Variants in MEI4 observed in about 807,000 individuals in gnomAD.
MEI4 encodes the protein meiosis-specific protein MEI4.
A neutral mutation model predicts 31.4 loss-of-function variants in MEI4; 27 were observed. That is an observed-to-expected ratio of 0.86 (90% CI 0.63 to 1.19). The LOEUF (loss-of-function observed/expected upper bound fraction) is 1.19, where lower values mean the gene tolerates loss of function less well. Ranked by LOEUF, MEI4 falls within the 50% of genes most tolerant of loss-of-function variation. MEI4 has a pLI of 0.00. For missense variants in MEI4, 329 were observed against 398.9 expected (o/e 0.82, Z 1.49); for synonymous variants, 122 against 145.4 (o/e 0.84, Z 1.16).
chr6:77,747,721 A>G (rs948841020), intron 2 of MEI4, among the ~76,000 whole-genome samples: 11 of 152,100 alleles, frequency 7.2e-5, no homozygotes, highest in Non-Finnish European at 1.5e-4. Flanking sequence ...TTAAAACACA[A>G]TCATCCCTTT....
intron 4 of MEI4, among the ~76,000 whole-genome samples, chr6:77,914,628 GT>G (rs1766502436): frequency 6.6e-6 from 1 of 151,988 alleles, no homozygotes; most frequent in African/African-American, 2.4e-5. Context: ...ATGTTTCTTT[GT>G]TGATTTTCTG....
intron 3 of MEI4, among the ~76,000 whole-genome samples, chr6:77,819,011 G>A (rs1371513166): frequency 1.3e-5 from 2 of 152,098 alleles, no homozygotes; most frequent in Non-Finnish European, 2.9e-5. Context: ...GATTATAGGT[G>A]TAGGCCACCA....
intron 2 of MEI4, among the ~76,000 whole-genome samples, chr6:77,702,511 C>G (rs73762816): frequency 0.023 from 3,454 of 152,214 alleles, 135 homozygotes; most frequent in African/African-American, 0.078. Flanking sequence ...TTCTGAGAGG[C>G]TCTATAATAA....
chr6:77,907,293 G>T (rs9448245), intron 4 of MEI4, among the ~76,000 whole-genome samples: 3 of 151,712 alleles, frequency 2.0e-5, no homozygotes, highest in Admixed American at 6.6e-5. Context: ...CCCCCTCCCC[G>T]CACTCCACAA....
intron 3 of MEI4, among the ~76,000 whole-genome samples, chr6:77,804,638 A>G (rs1769380901): frequency 6.6e-6 from 1 of 152,120 alleles, no homozygotes; most frequent in Admixed American, 6.5e-5. Flanking sequence ...CTTTATTAGT[A>G]GTTCACATCC....
At chr6:77,813,988 G>C (rs1769632638) in intron 3 of MEI4, among the ~76,000 whole-genome samples, 1 of 151,998 alleles carries the variant, frequency 6.6e-6, no homozygotes, top group Non-Finnish European at 1.5e-5. Context: ...TTTTAAACAT[G>C]GGAAGATTTT....
chr6:77,863,094 C>T (rs1471487459), intron 4 of MEI4, among the ~76,000 whole-genome samples: 3 of 104,144 alleles, frequency 2.9e-5, no homozygotes, highest in Non-Finnish European at 5.4e-5. Flanking sequence ...TCATCAAACA[C>T]CACAGGTAGA....
Position 77,911,694 on chromosome 6 carries a change from A to G in MEI4, c.901-11395A>G, listed in dbSNP as rs190881010. On this transcript the variant is annotated intron_variant, in intron 4 of 4. Transcript: ENST00000684080. ...GTATTCCATGATATATATAATGCAT[A>G]TATTATGTATATAATACATATATTT... 5.4e-3 allele frequency among the ~76,000 whole-genome samples: 805 copies of G among 148,658 alleles called. 5 individuals are homozygous for G. Among genetic ancestry groups the G allele is most frequent in the Non-Finnish European group, 8.9e-3 (596 of 67,340 alleles).
At chr6:77,673,250 A>G (rs202134281) in intron 1 of MEI4, among the ~76,000 whole-genome samples, 1 of 152,206 alleles carries the variant, frequency 6.6e-6, no homozygotes, top group Admixed American at 6.5e-5. Flanking sequence ...GTATGGCTGT[A>G]ATAGTAGTAG....
chr6:77,690,635 A>C, intron 1 of MEI4, 23 bp from the exon 2 acceptor site: 6 of 1,122,024 alleles, frequency 5.3e-6, no homozygotes, highest in Non-Finnish European at 6.8e-6. Context: ...AATTTCTATA[A>C]CTTTTTTCTT....
chr6:77,849,467 T>G (rs941106244), intron 4 of MEI4, among the ~76,000 whole-genome samples: 1 of 152,204 alleles, frequency 6.6e-6, no homozygotes, highest in Middle Eastern at 3.2e-3. Context: ...TTCTGTTCGC[T>G]CTGAGCAAAA....
intron 4 of MEI4, among the ~76,000 whole-genome samples, chr6:77,909,507 G>T: frequency 6.6e-6 from 1 of 152,214 alleles, no homozygotes; most frequent in Non-Finnish European, 1.5e-5. Flanking sequence ...GACTAAACCA[G>T]GAAGAAGTTG....
intron 2 of MEI4, among the ~76,000 whole-genome samples, chr6:77,699,595 T>C (rs574771545): frequency 1.5e-3 from 230 of 152,334 alleles, no homozygotes; most frequent in African/African-American, 5.0e-3. Flanking sequence ...AGTCATTCTC[T>C]GTCCAGCTTT....
At chr6:77,695,280 T>C (rs1413871916) in intron 2 of MEI4, among the ~76,000 whole-genome samples, 1 of 152,104 alleles carries the variant, frequency 6.6e-6, no homozygotes, top group African/African-American at 2.4e-5. Context: ...AGATCCCATT[T>C]GTCAATTTTG....
At chr6:77,744,556 T>A (rs918945822) in intron 2 of MEI4, among the ~76,000 whole-genome samples, 1 of 152,012 alleles carries the variant, frequency 6.6e-6, no homozygotes, top group African/African-American at 2.4e-5. Context: ...CAGGATATTA[T>A]CCAGGAGAAC....
intron 4 of MEI4, among the ~76,000 whole-genome samples, chr6:77,892,970 C>T (rs1766000506): frequency 6.6e-6 from 1 of 152,042 alleles, no homozygotes; most frequent in South Asian, 2.1e-4. Context: ...GGAACTCTCC[C>T]ACAGCTGGGA....
chr6:77,788,138 C>T (rs1008040313), intron 3 of MEI4, among the ~76,000 whole-genome samples: 1 of 152,118 alleles, frequency 6.6e-6, no homozygotes, highest in African/African-American at 2.4e-5. Context: ...ATAAACAGAA[C>T]CAATGACAAA....
chr6:77,850,272 T>C (rs1183433211), intron 4 of MEI4, among the ~76,000 whole-genome samples: 1 of 152,124 alleles, frequency 6.6e-6, no homozygotes, highest in African/African-American at 2.4e-5. Context: ...CTTCACAGAA[T>C]TGGAAAAACT....
intron 2 of MEI4, among the ~76,000 whole-genome samples, chr6:77,754,355 T>A (rs1019865938): frequency 3.3e-5 from 5 of 152,192 alleles, no homozygotes; most frequent in African/African-American, 1.2e-4. Flanking sequence ...TGCTAAAGCA[T>A]AGCAAGAGTT....
Sources: gnomAD v4.1 joint callset for allele counts (sites outside exome capture counted in the v4.1 genomes callset) on GRCh38, gnomAD v4.1.1 for gene constraint, MANE v1.5 for transcripts, NCBI Gene and HGNC (gene_info 2026-07-23, HGNC 2026-07-21) for gene names.